The following NTRK3 variants were observed in gnomAD, a reference collection of about 807,000 sequenced individuals.
NTRK3 encodes the protein neurotrophic receptor tyrosine kinase 3.
In NTRK3, 24 loss-of-function variants were observed where a neutral mutation model predicts 91.7. The observed-to-expected ratio is 0.26, with a 90% confidence interval of 0.19 to 0.37. The LOEUF (loss-of-function observed/expected upper bound fraction) is 0.37. Ranked by LOEUF, NTRK3 falls within the 10% of genes least tolerant of loss-of-function variation. The pLI is 1.00. For missense variants in NTRK3, 880 were observed against 1,068.9 expected, an observed-to-expected ratio of 0.82 and a Z score of 2.46; for synonymous variants, 483 against 404.0, an observed-to-expected ratio of 1.20 and a Z score of -2.34.
intron 14 of NTRK3, among the ~76,000 whole-genome samples, chr15:88,008,707 G>A (rs2076660152): frequency 6.6e-6 from 1 of 152,028 alleles, no homozygotes; most frequent in African/African-American, 2.4e-5. Flanking sequence ...CCAGGGCTCG[G>A]CCCCCAGCGA....
intron 14 of NTRK3, among the ~76,000 whole-genome samples, chr15:87,967,226 G>A (rs538903727): frequency 6.6e-6 from 1 of 152,294 alleles, no homozygotes; most frequent in East Asian, 1.9e-4. Context: ...CAGAAGGGCA[G>A]TTCTTGCTCC....
At position 88,255,246 on chromosome 15, in the gene NTRK3, G is replaced by A. The variant is rs932326646; in HGVS notation, c.248+660C>T. On this transcript the variant is annotated intron_variant, in intron 3 of 18. Coordinates refer to ENST00000394480, the Ensembl canonical transcript of NTRK3. This position sits in a 1 kb window ranked among gnomAD's most constrained non-coding sequence, Gnocchi z 4.3. The stretch of plus-strand genomic sequence containing the variant: ...CAGATGCAGATGAGGGTGGCAAAGG[G>A]GTGTCTCGGAAATGCCCAAAATGGG... Among the ~76,000 whole-genome samples the A allele has an allele frequency of 1.3e-5, 2 of 152,152 alleles. No homozygotes were observed. The highest frequency in any genetic ancestry group is 6.5e-5 in the Admixed American group (1 of 15,284).
intron 17 of NTRK3, among the ~76,000 whole-genome samples, chr15:87,916,095 TTCC>T (rs369516733): frequency 2.0e-5 from 3 of 152,028 alleles, no homozygotes; most frequent in African/African-American, 4.8e-5. Flanking sequence ...AGTCTTCTGA[TTCC>T]TCCTCCTCCT....
chr15:88,035,008 A>T (rs189828263), intron 13 of NTRK3, among the ~76,000 whole-genome samples: 2 of 152,346 alleles, frequency 1.3e-5, no homozygotes, highest in East Asian at 3.9e-4. Context: ...ACTAAAATAC[A>T]AAAAAGGAAA....
chr15:88,139,530 G>A (rs900183915), intron 6 of NTRK3, among the ~76,000 whole-genome samples: 2 of 152,152 alleles, frequency 1.3e-5, no homozygotes, highest in African/African-American at 2.4e-5. Context: ...CTAGGACACC[G>A]GAGGCAGAAT....
intron 13 of NTRK3, among the ~76,000 whole-genome samples, chr15:88,111,401 C>T (rs963609570): frequency 3.9e-5 from 6 of 152,194 alleles, no homozygotes; most frequent in South Asian, 2.1e-4. Flanking sequence ...CCAAAAAAGG[C>T]CCCATTAACC....
chr15:88,100,639 G>A (rs1193895817), intron 13 of NTRK3, among the ~76,000 whole-genome samples: 1 of 152,154 alleles, frequency 6.6e-6, no homozygotes, highest in Non-Finnish European at 1.5e-5. Context: ...TCAGGCAAAG[G>A]AAACCTGCCC....
chr15:87,905,783 G>T (rs1407261468), intron 17 of NTRK3, among the ~76,000 whole-genome samples: 3 of 152,110 alleles, frequency 2.0e-5, no homozygotes, highest in Admixed American at 6.5e-5. Context: ...ACGTGCGTGA[G>T]CCCCAGGAAC....
intron 5 of NTRK3, among the ~76,000 whole-genome samples, chr15:88,170,273 A>T (rs1489605360): frequency 6.6e-6 from 1 of 152,214 alleles, no homozygotes; most frequent in African/African-American, 2.4e-5. Context: ...TGAGGTTGAC[A>T]TAATTTGCAT....
At chr15:87,895,779 C>CT (rs34398729) in intron 17 of NTRK3, among the ~76,000 whole-genome samples, 64 of 149,586 alleles carry the variant, frequency 4.3e-4, no homozygotes, top group South Asian at 2.5e-3. Flanking sequence ...AATCCTTTAT[C>CT]TTTTTTTTTT....
At chr15:88,006,375 A>G (rs1375065229) in intron 14 of NTRK3, among the ~76,000 whole-genome samples, 2 of 152,214 alleles carry the variant, frequency 1.3e-5, no homozygotes, top group East Asian at 1.9e-4. Flanking sequence ...TCAGATTAGC[A>G]GTGGAGGCAG....
chr15:87,975,565 T>A (rs1403553779), intron 14 of NTRK3, among the ~76,000 whole-genome samples: 1 of 152,218 alleles, frequency 6.6e-6, no homozygotes, highest in Non-Finnish European at 1.5e-5. Context: ...CAGTCCAAAC[T>A]GGCATCTTTC....
chr15:88,183,126 G>C (rs538977960), intron 5 of NTRK3, among the ~76,000 whole-genome samples: 9 of 149,106 alleles, frequency 6.0e-5, no homozygotes, highest in South Asian at 2.1e-4. Flanking sequence ...TATCATTTAC[G>C]TTCCCATAAA....
chr15:88,199,641 G>A (rs1043140961), intron 3 of NTRK3, among the ~76,000 whole-genome samples: 3 of 152,238 alleles, frequency 2.0e-5, no homozygotes, highest in Non-Finnish European at 2.9e-5. Flanking sequence ...GGAGACTGGT[G>A]GAGCACATCT....
chr15:87,873,367 G>A (rs1230165686), exon 19 of NTRK3: 2 of 228,848 alleles, frequency 8.7e-6, no homozygotes, highest in East Asian at 1.2e-4. Flanking sequence ...ATCATTAGAG[G>A]GCAGAGTTAG....
intron 14 of NTRK3, among the ~76,000 whole-genome samples, chr15:87,990,085 C>T (rs1567194644): frequency 6.6e-6 from 1 of 152,122 alleles, no homozygotes; most frequent in African/African-American, 2.4e-5. Context: ...ATAATAATGA[C>T]TTGGAGTCCT....
At chr15:88,091,617 G>C (rs2049022280) in intron 13 of NTRK3, among the ~76,000 whole-genome samples, 1 of 152,170 alleles carries the variant, frequency 6.6e-6, no homozygotes, top group Non-Finnish European at 1.5e-5. Context: ...GGGCACAAGG[G>C]TAGGGAGATC....
At chr15:88,208,210 G>T (rs1232262204) in intron 3 of NTRK3, among the ~76,000 whole-genome samples, 1 of 151,968 alleles carries the variant, frequency 6.6e-6, no homozygotes, top group Non-Finnish European at 1.5e-5. Context: ...GCCCAGGAAG[G>T]CTTCCATCTC....
chr15:87,881,568 C>T (rs1327565373), intron 17 of NTRK3, among the ~76,000 whole-genome samples: 3 of 151,830 alleles, frequency 2.0e-5, no homozygotes, highest in African/African-American at 4.8e-5. Flanking sequence ...TACAGGTGCC[C>T]GCTGCCACAC....
Sources: allele counts gnomAD v4.1 joint callset (sites outside exome capture counted in the v4.1 genomes callset), GRCh38; gene constraint gnomAD v4.1.1; non-coding constraint Gnocchi (gnomAD v3.1); transcripts MANE v1.5; gene names NCBI Gene and HGNC (gene_info 2026-07-23, HGNC 2026-07-21).